The following NLGN1 variants were observed in gnomAD, a reference collection of about 807,000 sequenced individuals.
NLGN1 encodes the protein neuroligin-1.
In NLGN1, 12 loss-of-function variants were observed where a neutral mutation model predicts 65.5. The observed-to-expected ratio is 0.18, with a 90% confidence interval of 0.12 to 0.30. The LOEUF (loss-of-function observed/expected upper bound fraction) is 0.30, where lower values mean the gene tolerates loss of function less well. NLGN1 is among the 10% of genes least tolerant of loss of function. The pLI, the probability that NLGN1 is intolerant of heterozygous loss-of-function variation, is 1.00. For synonymous variants in NLGN1, 350 were observed against 359.5 expected (o/e 0.97, Z 0.30); for missense variants, 750 against 1,007.1 (o/e 0.74, Z 3.46).
chr3:173,684,258 T>C (rs147573945), intron 3 of NLGN1, among the ~76,000 whole-genome samples: 1 of 152,312 alleles, frequency 6.6e-6, no homozygotes, highest in East Asian at 1.9e-4. Flanking sequence ...ATTAAAGATA[T>C]GACTTGATTT....
At chr3:173,455,702 G>A (rs1722396504) in intron 2 of NLGN1, among the ~76,000 whole-genome samples, 1 of 152,074 alleles carries the variant, frequency 6.6e-6, no homozygotes, top group African/African-American at 2.4e-5. Context: ...AGGTTAGCCT[G>A]TGAGTATATA....
intron 4 of NLGN1, among the ~76,000 whole-genome samples, chr3:173,880,712 C>G (rs1457994989): frequency 6.6e-6 from 1 of 152,102 alleles, no homozygotes; most frequent in Non-Finnish European, 1.5e-5. Flanking sequence ...GCTGACTGAT[C>G]AGAGTGGCAG....
intron 4 of NLGN1, among the ~76,000 whole-genome samples, chr3:174,060,921 G>T (rs1267604035): frequency 1.3e-5 from 2 of 151,956 alleles, no homozygotes; most frequent in Non-Finnish European, 2.9e-5. Flanking sequence ...GGGAAATCAG[G>T]TTCTTTTCCT....
intron 4 of NLGN1, among the ~76,000 whole-genome samples, chr3:174,028,998 C>A (rs960221510): frequency 6.6e-6 from 1 of 152,140 alleles, no homozygotes; most frequent in African/African-American, 2.4e-5. Context: ...GCCTGGATAT[C>A]CAGGCAGAAG....
intron 4 of NLGN1, among the ~76,000 whole-genome samples, chr3:174,156,751 C>T (rs1205469069): frequency 6.6e-6 from 1 of 151,422 alleles, no homozygotes; most frequent in East Asian, 1.9e-4. Context: ...CTGACTTTTG[C>T]CCAAAATTTG....
intron 3 of NLGN1, among the ~76,000 whole-genome samples, chr3:173,779,926 A>G (rs1391629381): frequency 1.3e-5 from 2 of 152,240 alleles, no homozygotes; most frequent in Non-Finnish European, 2.9e-5. Flanking sequence ...TTGACTCTTC[A>G]TTTTACAACT....
intron 3 of NLGN1, among the ~76,000 whole-genome samples, chr3:173,735,531 A>C (rs1773605977): frequency 6.6e-6 from 1 of 152,148 alleles, no homozygotes. Context: ...CATGAAATAC[A>C]TTTAACTTCT....
At chr3:173,857,301 C>T (rs1449425352) in intron 4 of NLGN1, among the ~76,000 whole-genome samples, 1 of 152,080 alleles carries the variant, frequency 6.6e-6, no homozygotes, top group Admixed American at 6.6e-5. Flanking sequence ...GACTTGCACA[C>T]CACTTGTGTT....
intron 3 of NLGN1, among the ~76,000 whole-genome samples, chr3:173,795,339 A>T (rs1454699877): frequency 6.6e-6 from 1 of 152,126 alleles, no homozygotes; most frequent in East Asian, 1.9e-4. Flanking sequence ...CAAAAATGTA[A>T]TTCCCCTTTA....
At chr3:173,807,613 T>C (rs1716943497) in intron 3 of NLGN1, 67 bp from the exon 4 acceptor site, 3 of 1,534,344 alleles carry the variant, frequency 2.0e-6, no homozygotes, top group Middle Eastern at 1.7e-4. Flanking sequence ...AGATGGAAAA[T>C]GTATTCTCTG....
chr3:173,906,675 TC>T lies in NLGN1; in HGVS notation c.646+98845del, dbSNP rs543244188. Among the ~76,000 whole-genome samples, 75 of 152,170 alleles carry T rather than the reference TC, an allele frequency of 4.9e-4. No homozygotes were observed. In the East Asian group the frequency reaches 0.012, roughly 24 times the overall value. On this transcript the variant is annotated intron_variant, in intron 4 of 6. Transcript: ENST00000457714. The stretch of plus-strand genomic sequence containing the variant: ...ACACTATATTTCTTTCCCTTCTGTG[TC>T]CTTTTTTAAATTAAATATTAAAAAT...
intron 3 of NLGN1, among the ~76,000 whole-genome samples, chr3:173,754,840 A>ATT (rs56718126): frequency 4.1e-4 from 63 of 151,904 alleles, no homozygotes; most frequent in African/African-American, 8.2e-4. Flanking sequence ...GAAAGTCACT[A>ATT]TTTTTTTACC....
chr3:174,016,762 G>A (rs1726640722), intron 4 of NLGN1, among the ~76,000 whole-genome samples: 1 of 151,986 alleles, frequency 6.6e-6, no homozygotes, highest in Non-Finnish European at 1.5e-5. Flanking sequence ...CTTAATTGCG[G>A]GCCTTAGCAA....
rs572746507 is a variant in NLGN1 at position 173,458,763 on chromosome 3, G to A, written c.-321+23685G>A. ...TTCTATTAAGAAGAAGGTTGCATGT[G>A]GGAAGTTTTAAGGTTGTTTAATTCA... is the stretch of plus-strand genomic sequence containing the variant. On this transcript the variant is annotated intron_variant, in intron 2 of 6. Coordinates refer to ENST00000457714, the Ensembl canonical transcript of NLGN1. Among the ~76,000 whole-genome samples the A allele has an allele frequency of 7.9e-5, 12 of 152,224 alleles. No homozygotes were observed. The South Asian group carries it at 2.5e-3, about 32-fold the overall frequency.
chr3:173,957,783 C>T (rs569349619), intron 4 of NLGN1, among the ~76,000 whole-genome samples: 22 of 152,294 alleles, frequency 1.4e-4, no homozygotes, highest in Admixed American at 4.6e-4. Context: ...CAGAAACCTC[C>T]GTAGCCAGTG....
chr3:174,248,217 T>G (rs1744142788), intron 4 of NLGN1, among the ~76,000 whole-genome samples: 1 of 152,200 alleles, frequency 6.6e-6, no homozygotes, highest in Admixed American at 6.5e-5. Flanking sequence ...TTTTTTTTAT[T>G]CTATAAATTT....
chr3:173,820,179 G>GAA lies in NLGN1; in HGVS notation c.646+12370_646+12371dup, dbSNP rs63081662. 2.2e-4 allele frequency among the ~76,000 whole-genome samples: 30 copies of GAA among 136,642 alleles called. No individual in the cohort carries two copies. In the East Asian group the frequency reaches 3.9e-3, roughly 18 times the overall value. The allele number at this position is 136,642 out of a possible 152,430, so 89.6% of individuals were successfully genotyped here. On this transcript the variant is annotated intron_variant, in intron 4 of 6. Transcript: ENST00000457714. ...GGGAGAGAGAGCGAGATTCAGTCTC[G>GAA]AAAAAAAAAAAAAAAAAAAAAAAAC...
chr3:174,189,709 T>C (rs1166176397), intron 4 of NLGN1, among the ~76,000 whole-genome samples: 1 of 137,516 alleles, frequency 7.3e-6, no homozygotes, highest in Middle Eastern at 3.3e-3. Flanking sequence ...CTAGTATCCA[T>C]AAGTAGTTTG....
At chr3:173,689,130 G>A (rs1765097050) in intron 3 of NLGN1, among the ~76,000 whole-genome samples, 3 of 152,152 alleles carry the variant, frequency 2.0e-5, no homozygotes, top group Admixed American at 1.3e-4. Flanking sequence ...GTCACCTCCA[G>A]CCTCTAAAGT....
Sources: allele counts gnomAD v4.1 joint callset (sites outside exome capture counted in the v4.1 genomes callset), GRCh38; gene constraint gnomAD v4.1.1; transcripts MANE v1.5; gene names NCBI Gene and HGNC (gene_info 2026-07-23, HGNC 2026-07-21).